Variants in ATP2C1 observed in about 807,000 individuals in gnomAD.
ATP2C1 encodes the protein calcium-transporting ATPase type 2C member 1.
A neutral mutation model predicts 120.5 loss-of-function variants in ATP2C1; 31 were observed. The observed-to-expected ratio is 0.26, with a 90% CI of 0.19 to 0.35. ATP2C1 has a LOEUF of 0.35. Ranked by LOEUF, ATP2C1 falls within the 10% of genes least tolerant of loss-of-function variation. The probability of loss-of-function intolerance (pLI) is 1.00; values close to 1 mark genes in which losing one functional copy is unlikely to be tolerated. For synonymous variants in ATP2C1, 351 were observed against 358.7 expected, an observed-to-expected ratio of 0.98 and a Z score of 0.24; for missense variants, 731 against 1,107.5, an observed-to-expected ratio of 0.66 and a Z score of 4.83.
rs529711341 is a variant in ATP2C1 at position 131,012,026 on chromosome 3, C to T, written c.2630-4126C>T. Among the ~76,000 whole-genome samples, 4 of 152,216 alleles carry T rather than the reference C, an allele frequency of 2.6e-5. No individual in the cohort carries two copies. The South Asian group carries it at 8.3e-4, about 32-fold the overall frequency. On this transcript the variant is annotated intron_variant, in intron 26 of 26. Coordinates refer to the ATP2C1 transcript ENST00000328560. ...GCTGGATAATTTCAGTGGAATGGTC[C>T]TGAGTGCCATGGTTAGAGAAAGGAA...
intron 1 of ATP2C1, among the ~76,000 whole-genome samples, chr3:130,858,290 A>G (rs981022529): frequency 1.5e-4 from 23 of 152,186 alleles, no homozygotes; most frequent in Non-Finnish European, 2.5e-4. Context: ...ACTCAATATT[A>G]ACCATCACAC....
chr3:130,921,620 C>T (rs1045319287), intron 2 of ATP2C1, among the ~76,000 whole-genome samples: 10 of 152,022 alleles, frequency 6.6e-5, no homozygotes, highest in African/African-American at 1.9e-4. Context: ...ATGTTACTTT[C>T]TTTTTATTCC....
At chr3:130,901,355 C>A (rs1378983786) in intron 2 of ATP2C1, among the ~76,000 whole-genome samples, 2 of 151,942 alleles carry the variant, frequency 1.3e-5, no homozygotes, top group Admixed American at 1.3e-4. Context: ...TTGATATGTA[C>A]CCCTAATTCA....
chr3:130,902,284 GTT>G (rs1157956407), intron 2 of ATP2C1, among the ~76,000 whole-genome samples: 3 of 65,506 alleles, frequency 4.6e-5, no homozygotes, highest in South Asian at 6.4e-4. Context: ...AAGGCTTCAC[GTT>G]TTTTTTTTTT....
Position 130,969,365 on chromosome 3 carries a change from T to C in ATP2C1, c.1382T>C (p.Met461Thr), listed in dbSNP as rs1414225591. 6.2e-7 allele frequency: 1 copy of C among 1,613,940 alleles called. No individual in the cohort carries two copies. The highest frequency in any genetic ancestry group is 2.2e-5 in the East Asian group (1 of 44,826). ...CCTTTTAGCTCTGAGCAAAAGTGGA[T>C]GGCTGTTAAGTGTGTACACCGAACA... The part of the protein sequence containing the change: ...EYPFSSEQKW[M>T]AVKCVHRTQQ... The change falls in exon 17 of 28, where the codon ATG (methionine) becomes ACG (threonine). Residue 461 changes from methionine (M) to threonine (T), a missense_variant. Around this residue, in one of 3 missense-constraint regions of ATP2C1, gnomAD observed 571 missense variants for 845.9 expected, o/e 0.67. Coordinates refer to ENST00000510168, the MANE Select transcript of ATP2C1 (RefSeq NM_001378687.1).
At chr3:130,990,282 C>CA (rs1489877356) in intron 20 of ATP2C1, among the ~76,000 whole-genome samples, 6 of 140,144 alleles carry the variant, frequency 4.3e-5, no homozygotes, top group Non-Finnish European at 7.8e-5. Context: ...ACCCCCCCCC[C>CA]CACAAAAAAA....
intron 1 of ATP2C1, among the ~76,000 whole-genome samples, chr3:130,870,274 C>T (rs2068389084): frequency 6.6e-6 from 1 of 152,202 alleles, no homozygotes; most frequent in South Asian, 2.1e-4. Flanking sequence ...GTTTTCATGT[C>T]TGCTGTCTGT....
chr3:130,933,872 T>C (rs1038864745), intron 4 of ATP2C1, among the ~76,000 whole-genome samples: 4 of 152,186 alleles, frequency 2.6e-5, no homozygotes, highest in African/African-American at 9.7e-5. Context: ...AGCTATGGTA[T>C]CTAAGGGCTG....
At chr3:130,916,074 C>T (rs982310913) in intron 2 of ATP2C1, among the ~76,000 whole-genome samples, 3 of 152,046 alleles carry the variant, frequency 2.0e-5, no homozygotes, top group Non-Finnish European at 2.9e-5. Context: ...TATTAGGTAA[C>T]ATTCCTTTTA....
chr3:130,952,642 CT>C (rs2060417297), intron 8 of ATP2C1, among the ~76,000 whole-genome samples: 1 of 152,142 alleles, frequency 6.6e-6, no homozygotes, highest in African/African-American at 2.4e-5. Context: ...TTACCAGGAG[CT>C]TGCTCAGTGC....
chr3:130,967,183 T>C lies in ATP2C1; in HGVS notation c.1161T>C (p.Ile387=), dbSNP rs1348803845. The C allele has an allele frequency of 6.2e-7, 1 of 1,613,916 alleles. No individual in the cohort carries two copies. Among genetic ancestry groups the C allele is most frequent in the Admixed American group, 1.7e-5 (1 of 59,992 alleles). ...GVGYNQFGEV[I]VDGDVVHGFY... is the part of the protein sequence containing the mutation. ...GCTATAATCAATTTGGGGAAGTGAT[T>C]GTTGATGGTGATGTTGTTCATGGAT... The change falls in exon 15 of 28, where the codon ATT becomes ATC. Residue 387 remains isoleucine (I), a synonymous_variant. Transcript: ENST00000510168.
chr3:130,928,257 G>A (rs2059303418), intron 2 of ATP2C1: 1 of 152,312 alleles, frequency 6.6e-6, no homozygotes, highest in Admixed American at 6.5e-5. Context: ...TGAGGTGCAG[G>A]TGTGGTTGCA....
chr3:131,012,912 T>A (rs967283974), intron 26 of ATP2C1, among the ~76,000 whole-genome samples: 1 of 152,204 alleles, frequency 6.6e-6, no homozygotes, highest in African/African-American at 2.4e-5. Context: ...ATGGTAATTC[T>A]AGTAAAGTAA....
intron 20 of ATP2C1, among the ~76,000 whole-genome samples, chr3:130,988,546 T>C (rs1021585608): frequency 6.6e-6 from 1 of 152,126 alleles, no homozygotes; most frequent in Non-Finnish European, 1.5e-5. Flanking sequence ...AACCCACGGA[T>C]ACCCATCTAA....
upstream of ATP2C1, among the ~76,000 whole-genome samples, chr3:130,890,904 T>G (rs568493326): frequency 2.4e-4 from 37 of 152,318 alleles, no homozygotes; most frequent in Non-Finnish European, 4.6e-4. Flanking sequence ...GATGCATCTT[T>G]ATATGTTTTT....
At position 131,001,872 on chromosome 3, in the gene ATP2C1, C is replaced by G; in HGVS notation, c.*522C>G. ...ATGTAAGCAGCTCAGATACCATGTG[C>G]TATCATTTTTGTATCAAGTTTTTTG... On this transcript the variant is annotated 3_prime_UTR_variant, in exon 28 of 28. Coordinates refer to ENST00000510168, the MANE Select transcript of ATP2C1 (RefSeq NM_001378687.1). 1.0e-6 allele frequency: 1 copy of G among 985,766 alleles called. No homozygotes were observed. Among genetic ancestry groups the G allele is most frequent in the Non-Finnish European group, 1.2e-6 (1 of 829,922 alleles). 61.1% of individuals were successfully genotyped at this position (985,766 alleles called of 1,614,324 possible).
intron 26 of ATP2C1, among the ~76,000 whole-genome samples, chr3:131,013,208 T>G (rs750445881): frequency 6.6e-6 from 1 of 152,226 alleles, no homozygotes; most frequent in Admixed American, 6.5e-5. Context: ...TATTTGGCAG[T>G]ATTTTCCAGA....
chr3:130,936,131 C>T (rs1208737201), intron 5 of ATP2C1, among the ~76,000 whole-genome samples: 2 of 152,016 alleles, frequency 1.3e-5, no homozygotes, highest in Admixed American at 1.3e-4. Flanking sequence ...TGTATGCACT[C>T]TTATGGGCTG....
rs1441333516 is a variant in ATP2C1 at position 130,903,681 on chromosome 3, CTTTCCCA to C, written c.6+8913_6+8919del. Among the ~76,000 whole-genome samples the C allele has an allele frequency of 2.5e-3, 364 of 144,228 alleles. 1 individual carries two copies. The highest frequency in any genetic ancestry group is 7.3e-3 in the African/African-American group (279 of 38,004). The allele number at this position is 144,228 out of a possible 152,430, so 94.6% of individuals were successfully genotyped here. On this transcript the variant is annotated intron_variant, in intron 2 of 27. Coordinates refer to ENST00000510168, the MANE Select transcript of ATP2C1 (RefSeq NM_001378687.1). ...TTTCCTTTCCTTTTTCCTCTTTCCC[CTTTCCCA>C]TTTCCCCTTTCCCCTTTCCTTTCCT...
Sources: gnomAD v4.1 joint callset for allele counts (sites outside exome capture counted in the v4.1 genomes callset) on GRCh38, gnomAD v4.1.1 for gene constraint, gnomAD v4.1.1 regional missense constraint, MANE v1.5 for transcripts, NCBI Gene and HGNC (gene_info 2026-07-23, HGNC 2026-07-21) for gene names.